The following RAB38 variants were observed in gnomAD, a reference collection of about 807,000 sequenced individuals.
RAB38 encodes the protein ras-related protein Rab-38.
A neutral mutation model predicts 18.4 loss-of-function variants in RAB38; 15 were observed. The observed-to-expected ratio is 0.82, with a 90% CI of 0.55 to 1.26. The LOEUF (loss-of-function observed/expected upper bound fraction) is 1.26, where lower values mean the gene tolerates loss of function less well. RAB38 is among the 50% of genes most tolerant of loss of function. The pLI, the probability that RAB38 is intolerant of heterozygous loss-of-function variation, is 0.00. For missense variants in RAB38, 294 were observed against 267.4 expected, an observed-to-expected ratio of 1.10 and a Z score of -0.69; for synonymous variants, 101 against 104.4, an observed-to-expected ratio of 0.97 and a Z score of 0.20.
At chr11:88,140,700 T>C (rs1385382586) in intron 2 of RAB38, among the ~76,000 whole-genome samples, 1 of 152,092 alleles carries the variant, frequency 6.6e-6, no homozygotes, top group Admixed American at 6.6e-5. Flanking sequence ...GATGGGAGAC[T>C]TGATGCAGTT....
the RAB38 span, among the ~76,000 whole-genome samples, chr11:88,041,751 G>C: frequency 6.6e-6 from 1 of 152,042 alleles, no homozygotes; most frequent in Non-Finnish European, 1.5e-5. Context: ...CCTAGATAAG[G>C]GGAAAATATA....
At chr11:88,119,055 C>T (rs1030011145) in intron 2 of RAB38, among the ~76,000 whole-genome samples, 2 of 152,108 alleles carry the variant, frequency 1.3e-5, no homozygotes, top group African/African-American at 4.8e-5. Context: ...CATTACATTA[C>T]AATGAATCCT....
the RAB38 span, among the ~76,000 whole-genome samples, chr11:88,107,640 T>C: frequency 1.3e-5 from 2 of 152,116 alleles, no homozygotes; most frequent in Non-Finnish European, 2.9e-5. Flanking sequence ...CTGATCTTAG[T>C]TATTTTTTGT....
chr11:88,084,158 A>G, the RAB38 span, among the ~76,000 whole-genome samples: 3 of 151,868 alleles, frequency 2.0e-5, no homozygotes, highest in Non-Finnish European at 2.9e-5. Flanking sequence ...GTGTGACAAT[A>G]AGGCTTAATG....
the RAB38 span, among the ~76,000 whole-genome samples, chr11:88,064,251 G>T: frequency 1.3e-5 from 2 of 152,230 alleles, no homozygotes; most frequent in East Asian, 3.9e-4. Flanking sequence ...ATGGAATGGA[G>T]TAGAGAGTAG....
the RAB38 span, among the ~76,000 whole-genome samples, chr11:88,038,992 G>A: frequency 6.6e-6 from 1 of 152,128 alleles, no homozygotes; most frequent in South Asian, 2.1e-4. Context: ...CCTTTTATAA[G>A]TAGAGTAGAC....
the RAB38 span, among the ~76,000 whole-genome samples, chr11:87,857,708 GTTGT>G: frequency 0.059 from 8,906 of 152,184 alleles, 351 homozygotes; most frequent in Non-Finnish European, 0.083. Flanking sequence ...TTTTGATGGG[GTTGT>G]TTGTTTTTTT....
At chr11:87,858,032 T>A in the RAB38 span, among the ~76,000 whole-genome samples, 393 of 152,228 alleles carry the variant, frequency 2.6e-3, no homozygotes, top group Admixed American at 5.6e-3. Context: ...CCTTGAATTA[T>A]TTTTTGTATA....
the RAB38 span, among the ~76,000 whole-genome samples, chr11:87,806,982 G>A: frequency 6.6e-6 from 1 of 152,168 alleles, no homozygotes; most frequent in Non-Finnish European, 1.5e-5. Flanking sequence ...CACACCAGGA[G>A]GTGAGTGGCA....
chr11:88,093,542 T>A, the RAB38 span, among the ~76,000 whole-genome samples: 10 of 152,076 alleles, frequency 6.6e-5, no homozygotes, highest in African/African-American at 2.4e-4. Context: ...AGTCCTTTTG[T>A]TCATTGAAAT....
intron 2 of RAB38, among the ~76,000 whole-genome samples, chr11:88,122,511 A>C (rs1467960939): frequency 6.6e-6 from 1 of 152,244 alleles, no homozygotes; most frequent in Non-Finnish European, 1.5e-5. Context: ...CCAGACACAA[A>C]ATATTAATTG....
At chr11:88,150,829 C>G (rs1490697176) in intron 1 of RAB38, among the ~76,000 whole-genome samples, 1 of 152,176 alleles carries the variant, frequency 6.6e-6, no homozygotes, top group African/African-American at 2.4e-5. Context: ...ACTCTCTCTT[C>G]CGCAGGCTTA....
chr11:88,145,183 C>G (rs918138193), intron 2 of RAB38, among the ~76,000 whole-genome samples: 1 of 151,398 alleles, frequency 6.6e-6, no homozygotes, highest in Non-Finnish European at 1.5e-5. Context: ...GAGTTTTGCT[C>G]AAGTCGCCCA....
At chr11:88,099,989 T>C in the RAB38 span, 2 of 151,810 alleles carry the variant, frequency 1.3e-5, no homozygotes, top group East Asian at 3.9e-4. Flanking sequence ...TATCAGAAAG[T>C]GTTTAGGCTG....
At chr11:87,835,852 C>A in the RAB38 span, among the ~76,000 whole-genome samples, 5 of 152,264 alleles carry the variant, frequency 3.3e-5, no homozygotes, top group East Asian at 1.9e-4. Flanking sequence ...TTCATTATGA[C>A]AGCTCCCAGC....
chr11:87,962,922 G>A, the RAB38 span, among the ~76,000 whole-genome samples: 4 of 152,046 alleles, frequency 2.6e-5, no homozygotes, highest in East Asian at 3.9e-4. Flanking sequence ...CCCAAAATGT[G>A]TACAATTATT....
the RAB38 span, among the ~76,000 whole-genome samples, chr11:87,843,840 G>T: frequency 6.6e-6 from 1 of 152,088 alleles, no homozygotes; most frequent in Admixed American, 6.6e-5. Context: ...CTATTATAGG[G>T]TTCTGGGTAA....
the RAB38 span, among the ~76,000 whole-genome samples, chr11:87,963,928 G>A: frequency 1.3e-5 from 2 of 152,150 alleles, no homozygotes; most frequent in African/African-American, 2.4e-5. Context: ...TTACAAGCGT[G>A]AGCCACCGCT....
At chr11:88,068,970 C>T in the RAB38 span, among the ~76,000 whole-genome samples, 221 of 152,342 alleles carry the variant, frequency 1.5e-3, no homozygotes, top group South Asian at 2.3e-3. Context: ...GCCCTTCAGC[C>T]GGCCGCTGCA....
Sources: gnomAD v4.1 joint callset for allele counts (sites outside exome capture counted in the v4.1 genomes callset) on GRCh38, gnomAD v4.1.1 for gene constraint, MANE v1.5 for transcripts, NCBI Gene and HGNC (gene_info 2026-07-23, HGNC 2026-07-21) for gene names.